The following SNX29 variants were observed in gnomAD, a reference collection of about 807,000 sequenced individuals.
SNX29 encodes sorting nexin 29.
A neutral mutation model predicts 102.1 loss-of-function variants in SNX29; 78 were observed. That is an observed-to-expected ratio of 0.76 (90% CI 0.64 to 0.92). The LOEUF (loss-of-function observed/expected upper bound fraction) is 0.92. Ranked by LOEUF, SNX29 falls within the 40% of genes least tolerant of loss-of-function variation. The pLI, the probability that SNX29 is intolerant of heterozygous loss-of-function variation, is 0.00. For missense variants in SNX29, 1,280 were observed against 1,061.7 expected (o/e 1.21, Z -2.86); for synonymous variants, 580 against 414.5 (o/e 1.40, Z -4.85).
chr16:12,354,911 C>G (rs2082088966), intron 15 of SNX29, among the ~76,000 whole-genome samples: 2 of 152,282 alleles, frequency 1.3e-5, no homozygotes, highest in Non-Finnish European at 1.5e-5. Flanking sequence ...CTTGCAGTAT[C>G]TTTTGTGTCA....
chr16:12,407,148 C>A (rs954862341), intron 18 of SNX29, among the ~76,000 whole-genome samples: 7 of 145,296 alleles, frequency 4.8e-5, no homozygotes, highest in African/African-American at 1.5e-4. Flanking sequence ...CCATGAAAGG[C>A]CACATCCTGC....
chr16:12,101,529 A>G (rs1202969348), intron 11 of SNX29, among the ~76,000 whole-genome samples: 5 of 151,772 alleles, frequency 3.3e-5, no homozygotes, highest in Admixed American at 1.3e-4. Context: ...GATTACAGGC[A>G]TGCACCACCA....
chr16:12,055,125 G>T (rs569695152), intron 8 of SNX29, among the ~76,000 whole-genome samples: 40 of 152,140 alleles, frequency 2.6e-4, no homozygotes, highest in African/African-American at 8.9e-4. Context: ...CGTTCTGTGT[G>T]TGGATGTGTG....
chr16:12,333,955 G>A (rs1203804310), intron 15 of SNX29, among the ~76,000 whole-genome samples: 1 of 152,174 alleles, frequency 6.6e-6, no homozygotes, highest in East Asian at 1.9e-4. Context: ...TCACTGAAAT[G>A]AATGTAACCT....
intron 15 of SNX29, among the ~76,000 whole-genome samples, chr16:12,284,279 C>T (rs1354515348): frequency 6.6e-6 from 1 of 152,256 alleles, no homozygotes; most frequent in Non-Finnish European, 1.5e-5. Flanking sequence ...CTGGGCACGC[C>T]CCCTAACCTC....
intron 4 of SNX29, among the ~76,000 whole-genome samples, chr16:12,040,555 T>C (rs957386395): frequency 6.6e-5 from 10 of 152,264 alleles, no homozygotes; most frequent in African/African-American, 2.4e-4. Flanking sequence ...ACTGAGTAAT[T>C]CGACATGTGG....
chr16:12,071,649 T>C (rs1006080735), intron 10 of SNX29, among the ~76,000 whole-genome samples: 3 of 152,220 alleles, frequency 2.0e-5, no homozygotes, highest in Non-Finnish European at 2.9e-5. Context: ...GACTTGGCAA[T>C]GCGGCCTCTT....
At chr16:12,339,003 G>A (rs78975086) in intron 15 of SNX29, among the ~76,000 whole-genome samples, 9,355 of 145,958 alleles carry the variant, frequency 0.064, 771 homozygotes, top group African/African-American at 0.19. Flanking sequence ...GGCCGTCATG[G>A]GCTGTCCTAG....
intron 16 of SNX29, among the ~76,000 whole-genome samples, chr16:12,364,836 C>G (rs899975391): frequency 6.6e-6 from 1 of 152,196 alleles, no homozygotes; most frequent in African/African-American, 2.4e-5. Flanking sequence ...TGTGGAACCA[C>G]TGCCCTGACT....
intron 15 of SNX29, among the ~76,000 whole-genome samples, chr16:12,284,789 A>G (rs539184873): frequency 1.0e-3 from 158 of 151,990 alleles, no homozygotes; most frequent in South Asian, 2.1e-3. Flanking sequence ...CAATGGCACA[A>G]TCTCAGCTCA....
chr16:12,564,045 G>T (rs532339327), intron 20 of SNX29, among the ~76,000 whole-genome samples: 6 of 146,240 alleles, frequency 4.1e-5, no homozygotes, highest in African/African-American at 9.7e-5. Context: ...CCGGTAAAAG[G>T]TTGTGGTTTG....
intron 3 of SNX29, among the ~76,000 whole-genome samples, chr16:12,021,088 G>T (rs1419897898): frequency 6.6e-6 from 1 of 152,158 alleles, no homozygotes; most frequent in East Asian, 1.9e-4. Flanking sequence ...CCATTTTCAT[G>T]ATTGTAGTTG....
In SNX29 at chr16:12,307,609, G is replaced by A. The variant is rs1339073691; in HGVS notation, c.1782+29573G>A. The stretch of plus-strand genomic sequence containing the variant: ...CTTAATGCCTAGGCCAAGAAGAGGG[G>A]AGAAGTTGTCAGCAGTAGAATGTAG... On this transcript the variant is annotated intron_variant, in intron 15 of 20. Transcript: ENST00000566228. Among the ~76,000 whole-genome samples, 3 of 152,240 alleles carry A rather than the reference G, an allele frequency of 2.0e-5. No individual in the cohort carries two copies. The East Asian group carries it at 5.8e-4, about 29-fold the overall frequency.
chr16:12,387,768 A>G (rs1312240101), intron 16 of SNX29, among the ~76,000 whole-genome samples: 1 of 151,824 alleles, frequency 6.6e-6, no homozygotes, highest in Non-Finnish European at 1.5e-5. Flanking sequence ...TTTCCGGGAG[A>G]CCTTGGTAGC....
intron 20 of SNX29, among the ~76,000 whole-genome samples, chr16:12,563,669 A>T (rs1034276986): frequency 6.6e-6 from 1 of 152,160 alleles, no homozygotes; most frequent in Non-Finnish European, 1.5e-5. Context: ...CAATTCCCCG[A>T]GAGCCCATGA....
At chr16:12,337,975 G>C (rs1391816427) in intron 15 of SNX29, among the ~76,000 whole-genome samples, 4 of 152,160 alleles carry the variant, frequency 2.6e-5, no homozygotes, top group Non-Finnish European at 5.9e-5. Context: ...AAGTGCTGCG[G>C]TCTTTGGGTT....
chr16:12,197,142 A>G (rs1284860157), intron 13 of SNX29, among the ~76,000 whole-genome samples: 2 of 152,198 alleles, frequency 1.3e-5, no homozygotes, highest in African/African-American at 2.4e-5. Context: ...ATGTTTTTCC[A>G]TGAACTGTTG....
chr16:12,245,922 TA>T (rs1200476878), intron 14 of SNX29, among the ~76,000 whole-genome samples: 4 of 152,104 alleles, frequency 2.6e-5, no homozygotes, highest in Middle Eastern at 3.2e-3. Context: ...TGTGGGAGAG[TA>T]ACTTGCTTAA....
chr16:12,030,782 C>T (rs1242170879), intron 4 of SNX29, among the ~76,000 whole-genome samples: 1 of 152,218 alleles, frequency 6.6e-6, no homozygotes, highest in Non-Finnish European at 1.5e-5. Context: ...CTTGGGCTCT[C>T]TTCCCTACTG....
Sources: allele counts gnomAD v4.1 joint callset (sites outside exome capture counted in the v4.1 genomes callset), GRCh38; gene constraint gnomAD v4.1.1; transcripts MANE v1.5; gene names NCBI Gene and HGNC (gene_info 2026-07-23, HGNC 2026-07-21).